SDK2: variants seen among roughly 807,000 people sequenced by gnomAD.
SDK2 encodes sidekick cell adhesion molecule 2, also known as protein sidekick-2.
Under a neutral mutation model 253.9 loss-of-function variants are expected in SDK2, and 105 were observed. The observed-to-expected ratio is 0.41, with a 90% CI of 0.35 to 0.49. The LOEUF (loss-of-function observed/expected upper bound fraction) is 0.49. Ranked by LOEUF, SDK2 falls within the 20% of genes least tolerant of loss-of-function variation. The pLI is 0.06. For missense variants in SDK2, 2,608 were observed against 3,003.0 expected (o/e 0.87, Z 3.07); for synonymous variants, 1,249 against 1,234.9 (o/e 1.01, Z -0.24).
At chr17:73,545,578 C>T (rs1221997570) in intron 1 of SDK2, among the ~76,000 whole-genome samples, 1 of 152,158 alleles carries the variant, frequency 6.6e-6, no homozygotes, top group East Asian at 1.9e-4. Context: ...AGTCCCCATC[C>T]CCACCCACCA....
chr17:73,390,159 G>C, intron 29 of SDK2, 128 bp downstream of exon 29: 1 of 812,842 alleles, frequency 1.2e-6, no homozygotes, highest in South Asian at 2.0e-5. Context: ...TCAGAGATTG[G>C]AGCCCACCTT....
chr17:73,540,112 C>T (rs1398328232), intron 1 of SDK2, among the ~76,000 whole-genome samples: 1 of 152,034 alleles, frequency 6.6e-6, no homozygotes, highest in South Asian at 2.1e-4. Flanking sequence ...GGAGGAGCAG[C>T]CCCCACCAGA....
At chr17:73,492,730 C>T (rs2063814935) in intron 2 of SDK2, among the ~76,000 whole-genome samples, 1 of 152,176 alleles carries the variant, frequency 6.6e-6, no homozygotes, top group South Asian at 2.1e-4. Flanking sequence ...TGCCAAATGG[C>T]CCACTGCAGA....
intron 2 of SDK2, among the ~76,000 whole-genome samples, chr17:73,486,846 C>T (rs921471823): frequency 2.0e-5 from 3 of 152,004 alleles, no homozygotes; most frequent in Non-Finnish European, 2.9e-5. Context: ...GGTGGGCTGG[C>T]GGTTCAAAAC....
At chr17:73,507,623 C>A in intron 1 of SDK2, 26 bp from the exon 2 acceptor site, 1 of 1,547,026 alleles carries the variant, frequency 6.5e-7, no homozygotes, top group South Asian at 1.2e-5. Flanking sequence ...GACAAAGCCA[C>A]CAGTGATCAC....
intron 1 of SDK2, among the ~76,000 whole-genome samples, chr17:73,578,104 G>A (rs1188219058): frequency 1.3e-5 from 2 of 149,990 alleles, no homozygotes; most frequent in Non-Finnish European, 3.0e-5. Context: ...CTGTCACCCA[G>A]GCTGGAGTGC....
intron 3 of SDK2, among the ~76,000 whole-genome samples, chr17:73,468,546 C>G (rs1444778034): frequency 6.6e-6 from 1 of 152,114 alleles, no homozygotes; most frequent in Non-Finnish European, 1.5e-5. Flanking sequence ...GAGTCTCGCT[C>G]TGTCACCCAG....
chr17:73,617,847 T>C (rs2046080975), intron 1 of SDK2, among the ~76,000 whole-genome samples: 1 of 152,144 alleles, frequency 6.6e-6, no homozygotes, highest in South Asian at 2.1e-4. Context: ...AGTCATCTCA[T>C]CCATCCCCCG....
rs1567799507 is a variant in SDK2 at position 73,483,699 on chromosome 17, ATATATATATT to A, written c.225-11491_225-11482del. ...TATATATATTTATATATATATATAT[ATATATATATT>A]TTTTTTTTTTTTTAGTAGAGTTGGG... is the stretch of plus-strand genomic sequence containing the variant. On this transcript the variant is annotated intron_variant, in intron 2 of 44. Transcript: ENST00000392650. Among the ~76,000 whole-genome samples the A allele has an allele frequency of 5.8e-4, 37 of 63,838 alleles. 1 individual carries two copies. Among genetic ancestry groups the A allele is most frequent in the African/African-American group, 2.5e-3 (33 of 13,026 alleles). 41.9% of individuals were successfully genotyped at this position (63,838 alleles called of 152,430 possible). A position where few individuals can be genotyped will look rare whatever the true frequency, so the allele number is the denominator to read the frequency against.
In SDK2 at chr17:73,455,240, T is replaced by C. The variant is rs2063516862; in HGVS notation, c.479+666A>G. On this transcript the variant is annotated intron_variant, in intron 4 of 44. Coordinates refer to ENST00000392650, the MANE Select transcript of SDK2 (RefSeq NM_001144952.2). This position sits in a 1 kb window ranked among gnomAD's most constrained non-coding sequence, Gnocchi z 5.0. ...AGCTGCCTCCAGACCCGGGGGTGGCTCAGGAGGGCGGGGAGACGGGTGTAT... is the reference window on the plus strand; with the variant it reads ...AGCTGCCTCCAGACCCGGGGGTGGCCCAGGAGGGCGGGGAGACGGGTGTAT... Among the ~76,000 whole-genome samples the C allele has an allele frequency of 6.6e-6, 1 of 151,842 alleles. No individual in the cohort carries two copies.
chr17:73,639,902 C>T lies in SDK2; in HGVS notation c.64+4123G>A, dbSNP rs928066055. 6.6e-6 allele frequency among the ~76,000 whole-genome samples: 1 copy of T among 152,118 alleles called. No homozygotes were observed. The highest frequency in any genetic ancestry group is 2.4e-5 in the African/African-American group (1 of 41,424). ...AGCAGAGACCAGATGGCCTTGTGGG[C>T]AGACGACGGTCCTAGATGACTTTTC... is the stretch of plus-strand genomic sequence containing the variant. On this transcript the variant is annotated intron_variant, in intron 1 of 44. Coordinates refer to ENST00000392650, the MANE Select transcript of SDK2 (RefSeq NM_001144952.2). The surrounding 1 kb of genome is among the most constrained non-coding windows in gnomAD (Gnocchi z 4.3).
chr17:73,339,704 C>T (rs2062417910), intron 44 of SDK2, among the ~76,000 whole-genome samples: 1 of 151,818 alleles, frequency 6.6e-6, no homozygotes, highest in Non-Finnish European at 1.5e-5. Flanking sequence ...TGGGTGCATG[C>T]CACCACGCCC....
At chr17:73,522,475 T>A (rs1178354457) in intron 1 of SDK2, among the ~76,000 whole-genome samples, 1 of 152,232 alleles carries the variant, frequency 6.6e-6, no homozygotes, top group Non-Finnish European at 1.5e-5. Context: ...CTGTATTCAT[T>A]ATCCTTGCCT....
At chr17:73,571,457 C>T (rs1268454086) in intron 1 of SDK2, among the ~76,000 whole-genome samples, 1 of 152,214 alleles carries the variant, frequency 6.6e-6, no homozygotes, top group Non-Finnish European at 1.5e-5. Context: ...ACTCAGGGAG[C>T]TCGGTGGCCC....
intron 5 of SDK2, among the ~76,000 whole-genome samples, chr17:73,446,739 C>T (rs985364981): frequency 2.6e-5 from 4 of 152,148 alleles, no homozygotes; most frequent in African/African-American, 9.7e-5. Context: ...GAACATCTGC[C>T]TCCCCCAGCT....
intron 3 of SDK2, among the ~76,000 whole-genome samples, chr17:73,461,043 C>A (rs2063559311): frequency 6.6e-6 from 1 of 152,206 alleles, no homozygotes; most frequent in African/African-American, 2.4e-5. Flanking sequence ...TTCACCCTGG[C>A]CCTCCCCATG....
At chr17:73,412,300 G>GTA (rs1009477537) in intron 18 of SDK2, among the ~76,000 whole-genome samples, 11 of 148,022 alleles carry the variant, frequency 7.4e-5, no homozygotes, top group East Asian at 5.9e-4. Context: ...ATATATGTGT[G>GTA]TATATATATA....
Position 73,338,788 on chromosome 17 carries a change from G to A in SDK2, c.6318C>T (p.Asp2106=). The change falls in exon 45 of 45, where the codon GAC becomes GAT. Residue 2106 remains aspartate (D), a synonymous_variant. Coordinates refer to ENST00000392650, the MANE Select transcript of SDK2 (RefSeq NM_001144952.2). This position sits in a 1 kb window ranked among gnomAD's most constrained non-coding sequence, Gnocchi z 5.0. ...RAQAYSYTES[D]SGEPDHTTVT... ...CGGTGGTGTGGTCTGGCTCACCCGAGTCGCTCTCCGTGTAGCTGTAGGCCT... is the reference window on the plus strand; with the variant it reads ...CGGTGGTGTGGTCTGGCTCACCCGAATCGCTCTCCGTGTAGCTGTAGGCCT... 1.2e-6 allele frequency: 2 copies of A among 1,613,994 alleles called. No individual in the cohort carries two copies. Among genetic ancestry groups the A allele is most frequent in the Non-Finnish European group, 1.7e-6 (2 of 1,179,900 alleles).
At chr17:73,418,021 T>TTTTG (rs1568393524) in intron 16 of SDK2, among the ~76,000 whole-genome samples, 1 of 148,530 alleles carries the variant, frequency 6.7e-6, no homozygotes, top group Admixed American at 6.7e-5. Context: ...TTTTTTTTTT[T>TTTTG]TTTTTTTGTT....
Sources: gnomAD v4.1 joint callset for allele counts (sites outside exome capture counted in the v4.1 genomes callset) on GRCh38, gnomAD v4.1.1 for gene constraint, Gnocchi (gnomAD v3.1) non-coding constraint, MANE v1.5 for transcripts, NCBI Gene and HGNC (gene_info 2026-07-23, HGNC 2026-07-21) for gene names.